The following HHLA2 variants were observed in gnomAD, a reference collection of about 807,000 sequenced individuals.
HHLA2 encodes HERV-H LTR-associating protein 2.
In HHLA2, 48 loss-of-function variants were observed where a neutral mutation model predicts 45.9. The observed-to-expected ratio is 1.05, with a 90% CI of 0.83 to 1.33. The LOEUF is 1.33. Ranked by LOEUF, HHLA2 falls within the 40% of genes most tolerant of loss-of-function variation. The probability of loss-of-function intolerance (pLI) is 0.00; values close to 1 mark genes in which losing one functional copy is unlikely to be tolerated. For missense variants in HHLA2, 462 were observed against 494.3 expected (o/e 0.93, Z 0.62); for synonymous variants, 161 against 173.9 (o/e 0.93, Z 0.59).
rs570655401 is a variant in HHLA2 at position 108,312,267 on chromosome 3, A to C, written c.-105+1526A>C. On this transcript the variant is annotated intron_variant, in intron 2 of 10. Coordinates refer to ENST00000619531, the Ensembl canonical transcript of HHLA2. ...TTTCTGGATTGCCTCACTCACCCCT[A>C]TTGCTTCCCAGCCATCACCCATGTG... is the stretch of plus-strand genomic sequence containing the variant. 5.9e-5 allele frequency among the ~76,000 whole-genome samples: 9 copies of C among 152,260 alleles called. No individual in the cohort carries two copies. The South Asian group carries it at 1.9e-3, about 32-fold the overall frequency.
Position 108,313,142 on chromosome 3 carries a change from G to C in HHLA2, c.-105+2401G>C, listed in dbSNP as rs148156685. Among the ~76,000 whole-genome samples, 258 of 152,328 alleles carry C rather than the reference G, an allele frequency of 1.7e-3. 1 individual carries two copies. The highest frequency in any genetic ancestry group is 3.4e-3 in the Middle Eastern group (1 of 294). On this transcript the variant is annotated intron_variant, in intron 2 of 10. Coordinates refer to ENST00000619531, the Ensembl canonical transcript of HHLA2. ...CAAGAGTATCAATACCTGTGGGGTA[G>C]TTAGAAATGCAAGTCTGTTTTAAGA...
At chr3:108,370,271 T>C (rs530684706) in intron 8 of HHLA2, among the ~76,000 whole-genome samples, 1 of 152,300 alleles carries the variant, frequency 6.6e-6, no homozygotes, top group East Asian at 1.9e-4. Context: ...TCCTGACTGT[T>C]TGTTAGAAGG....
chr3:108,343,347 C>A (rs78700270), intron 3 of HHLA2, among the ~76,000 whole-genome samples: 1,984 of 152,258 alleles, frequency 0.013, 36 homozygotes, highest in African/African-American at 0.043. Flanking sequence ...AGCATGATAA[C>A]CACTGTACTT....
At chr3:108,331,412 T>C (rs1207661318) in intron 3 of HHLA2, among the ~76,000 whole-genome samples, 2 of 152,200 alleles carry the variant, frequency 1.3e-5, no homozygotes, top group Non-Finnish European at 2.9e-5. Flanking sequence ...CATATACATA[T>C]TTATGTGTAT....
At chr3:108,318,236 G>A (rs1042335855) in intron 2 of HHLA2, among the ~76,000 whole-genome samples, 1 of 151,844 alleles carries the variant, frequency 6.6e-6, no homozygotes, top group African/African-American at 2.4e-5. Context: ...TTTGAATTTG[G>A]TCCTTATGGA....
At chr3:108,298,460 A>G (rs1212433537) in intron 1 of HHLA2, among the ~76,000 whole-genome samples, 1 of 152,100 alleles carries the variant, frequency 6.6e-6, no homozygotes, top group Non-Finnish European at 1.5e-5. Context: ...AATCCTTCTA[A>G]TTTAGCCCCA....
chr3:108,360,619 G>A (rs2081970288), intron 7 of HHLA2, among the ~76,000 whole-genome samples: 1 of 152,208 alleles, frequency 6.6e-6, no homozygotes, highest in East Asian at 1.9e-4. Flanking sequence ...TGGGGGTAGT[G>A]TGTACAACGT....
intron 8 of HHLA2, among the ~76,000 whole-genome samples, chr3:108,368,657 G>A (rs546137964): frequency 6.6e-6 from 1 of 150,770 alleles, no homozygotes; most frequent in Admixed American, 6.6e-5. Context: ...AATGGTAAAG[G>A]GATCAATGCA....
At chr3:108,364,052 T>C (rs1338518614) in intron 8 of HHLA2, among the ~76,000 whole-genome samples, 1 of 152,062 alleles carries the variant, frequency 6.6e-6, no homozygotes. Context: ...GGTATACATG[T>C]GCCCTGGTGG....
At chr3:108,304,659 G>C (rs1023863689) in intron 1 of HHLA2, among the ~76,000 whole-genome samples, 3 of 152,088 alleles carry the variant, frequency 2.0e-5, no homozygotes, top group African/African-American at 7.2e-5. Flanking sequence ...GGACTTTCAG[G>C]GCTTCAGCAA....
intron 4 of HHLA2, among the ~76,000 whole-genome samples, chr3:108,352,329 A>T (rs189666166): frequency 2.6e-5 from 4 of 152,250 alleles, no homozygotes; most frequent in African/African-American, 9.6e-5. Flanking sequence ...TTCTTTCAGC[A>T]TGATGCCACA....
chr3:108,321,443 G>A (rs889062567), intron 2 of HHLA2, among the ~76,000 whole-genome samples: 3 of 152,224 alleles, frequency 2.0e-5, no homozygotes, highest in South Asian at 4.1e-4. Context: ...GACCATACTT[G>A]CAAGTTACAA....
chr3:108,367,795 C>T (rs1560274904), intron 8 of HHLA2, among the ~76,000 whole-genome samples: 1 of 152,064 alleles, frequency 6.6e-6, no homozygotes, highest in Non-Finnish European at 1.5e-5. Context: ...AGGATATTAT[C>T]CAGGAGAACT....
chr3:108,315,891 T>A (rs1196094748), intron 2 of HHLA2, among the ~76,000 whole-genome samples: 1 of 152,174 alleles, frequency 6.6e-6, no homozygotes, highest in Non-Finnish European at 1.5e-5. Context: ...TGCTGGATGT[T>A]TATTTGGGTA....
chr3:108,370,146 A>G (rs6437775), intron 8 of HHLA2, among the ~76,000 whole-genome samples: 132,081 of 152,160 alleles, frequency 0.87, 58,836 homozygotes, highest in Non-Finnish European at 0.93. Context: ...CAGCATCTGT[A>G]GTTCACAAGT....
intron 2 of HHLA2, chr3:108,325,995 CA>C: frequency 3.0e-6 from 1 of 331,458 alleles, no homozygotes; most frequent in South Asian, 3.2e-5. Flanking sequence ...TCATGGTCAT[CA>C]AAAGTTATGA....
chr3:108,337,248 T>C (rs901493028), intron 3 of HHLA2, among the ~76,000 whole-genome samples: 1 of 152,224 alleles, frequency 6.6e-6, no homozygotes, highest in African/African-American at 2.4e-5. Flanking sequence ...TTCATTTTTC[T>C]AGCAATTCAT....
intron 3 of HHLA2, among the ~76,000 whole-genome samples, chr3:108,334,641 T>G (rs1193766042): frequency 6.6e-6 from 1 of 152,062 alleles, no homozygotes; most frequent in Non-Finnish European, 1.5e-5. Flanking sequence ...CTATTATGAG[T>G]CACTTTAACT....
chr3:108,367,952 CAGAGAG>C (rs1305269937), intron 8 of HHLA2, among the ~76,000 whole-genome samples: 2 of 152,002 alleles, frequency 1.3e-5, no homozygotes, highest in Admixed American at 6.6e-5. Context: ...TAAGGGCAGC[CAGAGAG>C]AAAGGTCAGG....
Sources: allele counts gnomAD v4.1 joint callset (sites outside exome capture counted in the v4.1 genomes callset), GRCh38; gene constraint gnomAD v4.1.1; transcripts MANE v1.5; gene names NCBI Gene and HGNC (gene_info 2026-07-23, HGNC 2026-07-21).